Variants in RSRC2 observed in about 807,000 individuals in gnomAD.
RSRC2 encodes the protein arginine and serine rich coiled-coil 2, also known as arginine/serine-rich coiled-coil protein 2.
A neutral mutation model predicts 61.3 loss-of-function variants in RSRC2; 5 were observed. The ratio of observed to expected loss-of-function variants is 0.08; its 90% confidence interval spans 0.04 to 0.17. The LOEUF (loss-of-function observed/expected upper bound fraction) is 0.17, where lower values mean the gene tolerates loss of function less well. RSRC2 is among the 10% of genes least tolerant of loss of function. The probability of loss-of-function intolerance (pLI) is 1.00; values close to 1 mark genes in which losing one functional copy is unlikely to be tolerated. For synonymous variants in RSRC2, 202 were observed against 166.5 expected (o/e 1.21, Z -1.64); for missense variants, 381 against 518.8 (o/e 0.73, Z 2.58).
intron 3 of RSRC2, 29 bp from the exon 4 acceptor site, chr12:122,519,058 G>T (rs761544904): frequency 6.3e-7 from 1 of 1,591,372 alleles, no homozygotes; most frequent in South Asian, 1.1e-5. Context: ...GGTTCTTTCA[G>T]GAAAATAGTG....
In RSRC2 at chr12:122,525,813, T is replaced by TCGGAC. The variant is rs1960176317; in HGVS notation, c.6+1034_6+1035insGTCCG. ...GGGTCAACGAAGAGTTTTTTTTTTT[T>TCGGAC]TTTTTTTTTTTTTTTTTTTTTTTTT... On this transcript the variant is annotated intron_variant, in intron 1 of 9. Transcript: ENST00000331738. Among the ~76,000 whole-genome samples, 5 of 6,360 alleles carry TCGGAC rather than the reference T, an allele frequency of 7.9e-4. No homozygotes were observed. The South Asian group carries it at 0.021, about 26-fold the overall frequency. 4.2% of individuals were successfully genotyped at this position (6,360 alleles called of 152,430 possible). A position where few individuals can be genotyped will look rare whatever the true frequency, so the allele number is the denominator to read the frequency against.
At chr12:122,519,076 G>C in intron 3 of RSRC2, 47 bp from the exon 4 acceptor site, 1 of 1,533,340 alleles carries the variant, frequency 6.5e-7, no homozygotes, top group African/African-American at 1.4e-5. Context: ...GTGCAACAAA[G>C]AGAGTTAGTA....
At chr12:122,519,718 A>G (rs904305434) in intron 3 of RSRC2, 1 of 152,602 alleles carries the variant, frequency 6.6e-6, no homozygotes, top group East Asian at 1.9e-4. Context: ...CAAACTAGGT[A>G]TAACAATCCA....
intron 7 of RSRC2, among the ~76,000 whole-genome samples, chr12:122,508,887 C>T (rs890515152): frequency 2.6e-5 from 4 of 151,500 alleles, no homozygotes; most frequent in African/African-American, 7.3e-5. Context: ...ACCCAAAAGG[C>T]GAAGGTTGCA....
rs1343574834 is a variant in RSRC2, at chr12:122,515,236, A to T, written c.603-9T>A. 6.2e-7 allele frequency: 1 copy of T among 1,611,292 alleles called. No individual in the cohort carries two copies. The highest frequency in any genetic ancestry group is 1.1e-5 in the South Asian group (1 of 90,284). On this transcript the variant is annotated splice_polypyrimidine_tract_variant and intron_variant, in intron 5 of 9. Coordinates refer to ENST00000331738, the MANE Select transcript of RSRC2 (RefSeq NM_023012.6). Reference sequence around the variant, plus strand: ...TTCTCTTCTTTCTATCTCTGTAGTAAATCGTATTTCATATGTCAAATTATG... The same window carrying T: ...TTCTCTTCTTTCTATCTCTGTAGTATATCGTATTTCATATGTCAAATTATG...
intron 1 of RSRC2, among the ~76,000 whole-genome samples, chr12:122,525,121 C>A (rs551993728): frequency 6.6e-6 from 1 of 152,212 alleles, no homozygotes; most frequent in East Asian, 1.9e-4. Context: ...CTCCTGTAAT[C>A]CCAGCACTTT....
In RSRC2 at chr12:122,504,312, A is replaced by T. The variant is rs1023113788; in HGVS notation, c.*1215T>A. The T allele has an allele frequency of 1.3e-5, 2 of 151,992 alleles. No individual in the cohort carries two copies. The highest frequency in any genetic ancestry group is 4.8e-5 in the African/African-American group (2 of 41,354). The allele number at this position is 151,992 out of a possible 1,614,324, so 9.4% of individuals were successfully genotyped here. On this transcript the variant is annotated 3_prime_UTR_variant, in exon 10 of 10. Transcript: ENST00000331738. ...GGCCCCCCCCACCCCTTGGCTCCAG[A>T]TTTATGTTCAATCTAGTAACAAAAC...
At chr12:122,516,734 C>T (rs1391944775) in intron 5 of RSRC2, among the ~76,000 whole-genome samples, 2 of 152,092 alleles carry the variant, frequency 1.3e-5, no homozygotes, top group African/African-American at 2.4e-5. Context: ...CTCCTGTCAC[C>T]CAGACTGGAG....
intron 3 of RSRC2, chr12:122,519,885 G>A (rs563521153): frequency 6.5e-6 from 1 of 152,792 alleles, no homozygotes; most frequent in African/African-American, 2.4e-5. Context: ...CCTACAGGAA[G>A]ATCTGTCAAA....
chr12:122,522,009 T>TCC, intron 2 of RSRC2, 134 bp downstream of exon 2: 2 of 912,712 alleles, frequency 2.2e-6, no homozygotes, highest in Non-Finnish European at 3.3e-6. Flanking sequence ...TGCCTTGGCC[T>TCC]CCCAAAGTGC....
chr12:122,513,194 CA>C (rs1958650924), intron 6 of RSRC2, among the ~76,000 whole-genome samples: 1 of 120,054 alleles, frequency 8.3e-6, no homozygotes, highest in Non-Finnish European at 1.7e-5. Flanking sequence ...GACTCCGTCT[CA>C]AAAATAAATA....
intron 6 of RSRC2, among the ~76,000 whole-genome samples, chr12:122,513,118 C>A (rs1002441211): frequency 1.3e-5 from 2 of 151,602 alleles, no homozygotes; most frequent in Non-Finnish European, 2.9e-5. Flanking sequence ...TTGCCTGAAC[C>A]CAGAAGGCAG....
chr12:122,506,153 A>T (rs141778790), intron 9 of RSRC2, among the ~76,000 whole-genome samples: 428 of 152,066 alleles, frequency 2.8e-3, no homozygotes, highest in African/African-American at 9.0e-3. Context: ...TGGGAGGCTG[A>T]GACGGGTGGA....
At position 122,512,598 on chromosome 12, in the gene RSRC2, G is replaced by C. The variant is rs1366099310; in HGVS notation, c.726-1410C>G. ...ATACAAAAAATTAGCAGGGCGTGGT[G>C]GTGGGCGCCTGTAATCTCAGCTACT... On this transcript the variant is annotated intron_variant, in intron 6 of 9. Transcript: ENST00000331738. Among the ~76,000 whole-genome samples, 7 of 151,936 alleles carry C rather than the reference G, an allele frequency of 4.6e-5. No homozygotes were observed. The East Asian group carries it at 7.7e-4, about 17-fold the overall frequency.
At chr12:122,519,293 A>T (rs1959150918) in intron 3 of RSRC2, 1 of 391,638 alleles carries the variant, frequency 2.6e-6, no homozygotes, top group Non-Finnish European at 4.7e-6. Context: ...AATATTGAAA[A>T]GCCATTATGC....
chr12:122,517,101 T>G (rs893738522), intron 5 of RSRC2, 126 bp downstream of exon 5: 1 of 1,380,274 alleles, frequency 7.2e-7, no homozygotes, highest in Non-Finnish European at 9.9e-7. Flanking sequence ...AGGTAATGAC[T>G]AAAATAATTT....
At chr12:122,514,316 G>A (rs1455060695) in intron 6 of RSRC2, among the ~76,000 whole-genome samples, 1 of 148,386 alleles carries the variant, frequency 6.7e-6, no homozygotes, top group African/African-American at 2.5e-5. Flanking sequence ...CCAGGCTGGA[G>A]TGCAGTGGTG....
At chr12:122,509,882 A>G (rs1203322520) in intron 7 of RSRC2, among the ~76,000 whole-genome samples, 1 of 152,118 alleles carries the variant, frequency 6.6e-6, no homozygotes, top group Non-Finnish European at 1.5e-5. Flanking sequence ...TCTGTCACCC[A>G]GGCTAGAGTG....
In RSRC2 at chr12:122,526,927, G is replaced by T; in HGVS notation, c.-74C>A. ...ACAGTACCGGCCGCTCCGAAGCTTCGCCTCAGACTAAATCGCTCGCGCGAG... is the reference window on the plus strand; with the variant it reads ...ACAGTACCGGCCGCTCCGAAGCTTCTCCTCAGACTAAATCGCTCGCGCGAG... On this transcript the variant is annotated 5_prime_UTR_variant, in exon 1 of 10. Transcript: ENST00000331738. The T allele has an allele frequency of 6.4e-7, 1 of 1,570,932 alleles. No individual in the cohort carries two copies. Among genetic ancestry groups the T allele is most frequent in the Non-Finnish European group, 8.8e-7 (1 of 1,141,320 alleles).
Sources: allele counts gnomAD v4.1 joint callset (sites outside exome capture counted in the v4.1 genomes callset), GRCh38; gene constraint gnomAD v4.1.1; transcripts MANE v1.5; gene names NCBI Gene and HGNC (gene_info 2026-07-23, HGNC 2026-07-21).